Variants in CDH20 observed in about 807,000 individuals in gnomAD.
CDH20 encodes cadherin 20, also known as cadherin-20.
Under a neutral mutation model 74.2 loss-of-function variants are expected in CDH20, and 29 were observed. That is an observed-to-expected ratio of 0.39 (90% CI 0.29 to 0.53). CDH20 has a LOEUF of 0.53. CDH20 is among the 20% of genes least tolerant of loss of function. The probability of loss-of-function intolerance (pLI) is 0.69; values close to 1 mark genes in which losing one functional copy is unlikely to be tolerated. For missense variants in CDH20, 988 were observed against 1,048.3 expected (o/e 0.94, Z 0.79); for synonymous variants, 469 against 405.4 (o/e 1.16, Z -1.88).
At chr18:61,421,615 C>T (rs993117160) in intron 1 of CDH20, among the ~76,000 whole-genome samples, 5 of 152,126 alleles carry the variant, frequency 3.3e-5, no homozygotes, top group African/African-American at 7.2e-5. Context: ...ATCAATTATA[C>T]ATCTCAAAGT....
At chr18:61,523,424 C>A (rs1468040898) in intron 6 of CDH20, among the ~76,000 whole-genome samples, 1 of 152,064 alleles carries the variant, frequency 6.6e-6, no homozygotes, top group Non-Finnish European at 1.5e-5. Context: ...ACAACAGATG[C>A]AGGAGAGGAT....
intron 1 of CDH20, among the ~76,000 whole-genome samples, chr18:61,455,531 A>G (rs2046657943): frequency 1.3e-5 from 2 of 152,198 alleles, no homozygotes; most frequent in Admixed American, 1.3e-4. Context: ...GGTTTCTTCA[A>G]TATGGCTATT....
At chr18:61,377,758 A>G (rs1374868512) in intron 1 of CDH20, among the ~76,000 whole-genome samples, 6 of 151,944 alleles carry the variant, frequency 3.9e-5, no homozygotes, top group Non-Finnish European at 7.4e-5. Flanking sequence ...ATTACGATAT[A>G]TCTGTTTTTT....
chr18:61,458,720 A>G (rs764747953), intron 1 of CDH20, among the ~76,000 whole-genome samples: 4 of 152,260 alleles, frequency 2.6e-5, no homozygotes, highest in Non-Finnish European at 4.4e-5. Flanking sequence ...AGCAGAAATC[A>G]GCCCTGCAAT....
chr18:61,491,682 C>T (rs1014501889), intron 2 of CDH20, among the ~76,000 whole-genome samples: 1 of 152,108 alleles, frequency 6.6e-6, no homozygotes, highest in African/African-American at 2.4e-5. Context: ...AAGTTCTTTC[C>T]CCAGTGTCCA....
chr18:61,391,543 T>C (rs1176691934), intron 1 of CDH20: 1 of 152,198 alleles, frequency 6.6e-6, no homozygotes, highest in Non-Finnish European at 1.5e-5. Flanking sequence ...GGAACTATCA[T>C]AGAGACCTGA....
At chr18:61,517,712 T>TGTG in intron 6 of CDH20, among the ~76,000 whole-genome samples, 1 of 22,298 alleles carries the variant, frequency 4.5e-5, no homozygotes, top group Admixed American at 5.8e-4. Flanking sequence ...TTGTTGTTGT[T>TGTG]TTGTTTTGTT....
chr18:61,487,672 G>A (rs1308600363), intron 1 of CDH20, among the ~76,000 whole-genome samples: 1 of 152,184 alleles, frequency 6.6e-6, no homozygotes, highest in Admixed American at 6.5e-5. Context: ...GCACTAGTGT[G>A]TAGGAGGCCA....
At chr18:61,414,149 A>G (rs1225204845) in intron 1 of CDH20, among the ~76,000 whole-genome samples, 2 of 152,124 alleles carry the variant, frequency 1.3e-5, no homozygotes, top group Non-Finnish European at 2.9e-5. Flanking sequence ...ATAATTACCA[A>G]ATGTCGATGT....
chr18:61,366,302 T>C (rs1251970135), intron 1 of CDH20, among the ~76,000 whole-genome samples: 1 of 152,184 alleles, frequency 6.6e-6, no homozygotes. Flanking sequence ...TGGTAAGCAC[T>C]GCAAATACTG....
chr18:61,468,680 A>T (rs375656503), intron 1 of CDH20, among the ~76,000 whole-genome samples: 1 of 152,040 alleles, frequency 6.6e-6, no homozygotes, highest in Non-Finnish European at 1.5e-5. Context: ...TGTCCAGGGA[A>T]CTCGCCTTAC....
At chr18:61,443,496 C>T (rs146764945) in intron 1 of CDH20, among the ~76,000 whole-genome samples, 10 of 152,234 alleles carry the variant, frequency 6.6e-5, no homozygotes, top group Admixed American at 2.0e-4. Flanking sequence ...AGGCTGGATG[C>T]AGCCACATGG....
chr18:61,500,102 TAAAAAAAAAAAAAAAAAAAAAAAAAAAA>T (rs534695760), intron 3 of CDH20, among the ~76,000 whole-genome samples: 23,298 of 56,420 alleles, frequency 0.41, 3,711 homozygotes, highest in Middle Eastern at 0.51. Context: ...GACTCCATCT[TAAAAAAAAAAAAAAAAAAAAAAAAAAAA>T]AAAAAAAAAA....
intron 1 of CDH20, among the ~76,000 whole-genome samples, chr18:61,413,876 TCA>T (rs531602179): frequency 6.6e-6 from 1 of 152,196 alleles, no homozygotes; most frequent in Non-Finnish European, 1.5e-5. Flanking sequence ...TTTTCCTGTG[TCA>T]CAGTTTATTG....
At chr18:61,537,238 T>C (rs1912847081) in intron 8 of CDH20, among the ~76,000 whole-genome samples, 1 of 152,144 alleles carries the variant, frequency 6.6e-6, no homozygotes, top group South Asian at 2.1e-4. Context: ...CTATTGGCTA[T>C]ATAACTAAAC....
chr18:61,546,151 G>A (rs746857690), intron 10 of CDH20, among the ~76,000 whole-genome samples: 8 of 152,160 alleles, frequency 5.3e-5, no homozygotes, highest in Non-Finnish European at 1.0e-4. Flanking sequence ...CTGCAGTAGC[G>A]TCATTTTCAT....
chr18:61,492,101 C>T (rs1178804281), intron 2 of CDH20, among the ~76,000 whole-genome samples: 1 of 152,078 alleles, frequency 6.6e-6, no homozygotes, highest in Non-Finnish European at 1.5e-5. Context: ...TGTGACATCT[C>T]CACATCTACT....
chr18:61,352,958 A>T (rs1230875815), intron 1 of CDH20, among the ~76,000 whole-genome samples: 1 of 152,236 alleles, frequency 6.6e-6, no homozygotes, highest in Non-Finnish European at 1.5e-5. Flanking sequence ...AGTGCTGCAT[A>T]GAATAATTCT....
At chr18:61,533,945 T>C (rs1273028699) in intron 7 of CDH20, among the ~76,000 whole-genome samples, 1 of 152,164 alleles carries the variant, frequency 6.6e-6, no homozygotes, top group East Asian at 1.9e-4. Context: ...GACCCATGAG[T>C]TTTTTTCTCA....
Sources: gnomAD v4.1 joint callset for allele counts (sites outside exome capture counted in the v4.1 genomes callset) on GRCh38, gnomAD v4.1.1 for gene constraint, MANE v1.5 for transcripts, NCBI Gene and HGNC (gene_info 2026-07-23, HGNC 2026-07-21) for gene names.